Variants in EHD3 observed in about 807,000 individuals in gnomAD.
The protein encoded by EHD3 is EH domain containing 3, also known as EH domain-containing protein 3.
Under a neutral mutation model 43.0 loss-of-function variants are expected in EHD3, and 17 were observed. The ratio of observed to expected loss-of-function variants is 0.40; its 90% CI spans 0.27 to 0.59. The LOEUF (loss-of-function observed/expected upper bound fraction) is 0.59, where lower values mean the gene tolerates loss of function less well. Ranked by LOEUF, EHD3 falls within the 20% of genes least tolerant of loss-of-function variation. The pLI is 0.49. For missense variants in EHD3, 594 were observed against 705.6 expected (o/e 0.84, Z 1.79); for synonymous variants, 313 against 289.5 (o/e 1.08, Z -0.82).
Position 31,268,320 on chromosome 2 carries a change from A to G in EHD3, c.*1616A>G, listed in dbSNP as rs1195486480. On this transcript the variant is annotated 3_prime_UTR_variant, in exon 6 of 6. Transcript: ENST00000322054. ...AGACTATATAGAGAATATTCTATGC[A>G]TCTATGACGTGCTTACTACTGCAGT... The G allele has an allele frequency of 6.5e-6, 1 of 152,694 alleles. No individual in the cohort carries two copies. Among genetic ancestry groups the G allele is most frequent in the East Asian group, 1.9e-4 (1 of 5,196 alleles). The allele number at this position is 152,694 out of a possible 1,614,324, so 9.5% of individuals were successfully genotyped here. A position where few individuals can be genotyped will look rare whatever the true frequency, so the allele number is the denominator to read the frequency against.
intron 5 of EHD3, among the ~76,000 whole-genome samples, chr2:31,262,351 C>T (rs1683872453): frequency 6.6e-6 from 1 of 152,196 alleles, no homozygotes; most frequent in South Asian, 2.1e-4. Context: ...GAGCCAGGAG[C>T]TGGGCCCAAA....
rs778315422 is a variant in EHD3, at chr2:31,260,471, C to A, written c.503-39C>A. On this transcript the variant is annotated intron_variant, in intron 3 of 5. Coordinates refer to ENST00000322054, the MANE Select transcript of EHD3 (RefSeq NM_014600.3). This position sits in a 1 kb window ranked among gnomAD's most constrained non-coding sequence, Gnocchi z 4.6. The stretch of plus-strand genomic sequence containing the variant: ...GCTTCTCCAAACCCCTACCCTATAC[C>A]CCAAAGGCCCCAGCCCCTGATTGTC... The A allele has an allele frequency of 6.4e-7, 1 of 1,558,390 alleles. No homozygotes were observed. Among genetic ancestry groups the A allele is most frequent in the Admixed American group, 1.8e-5 (1 of 55,840 alleles).
At chr2:31,250,542 C>T (rs1031448820) in intron 3 of EHD3, among the ~76,000 whole-genome samples, 2 of 152,172 alleles carry the variant, frequency 1.3e-5, no homozygotes, top group Admixed American at 6.5e-5. Flanking sequence ...TTGGGGATTA[C>T]AGGCGGGAAC....
In EHD3 at chr2:31,266,908, TAGA is replaced by T. The variant is rs2148725802; in HGVS notation, c.*207_*209del. 6.2e-6 allele frequency: 4 copies of T among 644,746 alleles called. No individual in the cohort carries two copies. The highest frequency in any genetic ancestry group is 2.2e-5 in the South Asian group (1 of 44,892). 39.9% of individuals were successfully genotyped at this position (644,746 alleles called of 1,614,324 possible). On this transcript the variant is annotated 3_prime_UTR_variant, in exon 6 of 6. Coordinates refer to ENST00000322054, the MANE Select transcript of EHD3 (RefSeq NM_014600.3). The surrounding 1 kb of genome is among the most constrained non-coding windows in gnomAD (Gnocchi z 5.1). The stretch of plus-strand genomic sequence containing the variant: ...GGGCACACCTCCAAGTTCTCGGGAT[TAGA>T]AGGACAAGAGCACTCCCAGGCCCCA...
chr2:31,262,357 C>A (rs1683872509), intron 5 of EHD3, among the ~76,000 whole-genome samples: 1 of 152,132 alleles, frequency 6.6e-6, no homozygotes, highest in African/African-American at 2.4e-5. Flanking sequence ...GGAGCTGGGC[C>A]CAAAGGTCCA....
intron 3 of EHD3, 28 bp downstream of exon 3, chr2:31,249,496 C>T (rs2148719002): frequency 1.9e-6 from 3 of 1,603,772 alleles, no homozygotes; most frequent in Non-Finnish European, 2.6e-6. Flanking sequence ...GGGGTGTTGG[C>T]TGTGGGCTCC....
chr2:31,256,126 T>G (rs1158037280), intron 3 of EHD3, among the ~76,000 whole-genome samples: 4 of 152,062 alleles, frequency 2.6e-5, no homozygotes, highest in African/African-American at 9.7e-5. Context: ...GGACACACAG[T>G]AAGTTAGTGG....
intron 3 of EHD3, among the ~76,000 whole-genome samples, chr2:31,257,629 C>A (rs597644): frequency 0.76 from 115,573 of 152,082 alleles, 44,587 homozygotes; most frequent in East Asian, 0.94. Context: ...GTGAGGGTGA[C>A]ATGAGATAAT....
chr2:31,261,840 AGGTG>A, intron 5 of EHD3, 127 bp downstream of exon 5: 10 of 1,054,542 alleles, frequency 9.5e-6, no homozygotes, highest in South Asian at 4.9e-5. Context: ...GCAGGCAAGG[AGGTG>A]GCCCTGGATC....
intron 3 of EHD3, among the ~76,000 whole-genome samples, chr2:31,258,821 G>A (rs973512798): frequency 6.6e-6 from 1 of 152,194 alleles, no homozygotes; most frequent in African/African-American, 2.4e-5. Context: ...GAATCTCCTG[G>A]GAGCTTGTTA....
chr2:31,258,091 T>C (rs1271156581), intron 3 of EHD3, among the ~76,000 whole-genome samples: 1 of 152,174 alleles, frequency 6.6e-6, no homozygotes, highest in Non-Finnish European at 1.5e-5. Context: ...TGTATATTCA[T>C]TGAGCAGCTG....
At position 31,255,259 on chromosome 2, in the gene EHD3, A is replaced by G. The variant is rs187269847; in HGVS notation, c.503-5251A>G. Among the ~76,000 whole-genome samples the G allele has an allele frequency of 7.9e-4, 121 of 152,228 alleles. 2 individuals carry two copies. Among genetic ancestry groups the G allele is most frequent in the Admixed American group, 6.2e-3 (95 of 15,290 alleles). On this transcript the variant is annotated intron_variant, in intron 3 of 5. Coordinates refer to ENST00000322054, the MANE Select transcript of EHD3 (RefSeq NM_014600.3). Reference sequence around the variant, plus strand: ...CCCCCGACTCACTAGTCCATATTTCATGAACACTTGGGCTGCCGCAGGTGC... The same window carrying G: ...CCCCCGACTCACTAGTCCATATTTCGTGAACACTTGGGCTGCCGCAGGTGC...
intron 3 of EHD3, among the ~76,000 whole-genome samples, chr2:31,256,148 C>T (rs947096282): frequency 2.6e-5 from 4 of 152,164 alleles, no homozygotes; most frequent in Admixed American, 6.5e-5. Context: ...TAAGCGGAAA[C>T]GAGAGGTGGA....
chr2:31,247,373 A>T (rs1683548295), intron 2 of EHD3, among the ~76,000 whole-genome samples: 1 of 152,156 alleles, frequency 6.6e-6, no homozygotes, highest in South Asian at 2.1e-4. Context: ...AATTATAAAG[A>T]AAATATATAG....
At chr2:31,249,259 T>C in intron 2 of EHD3, 112 bp from the exon 3 acceptor site, 1 of 952,642 alleles carries the variant, frequency 1.0e-6, no homozygotes, top group Non-Finnish European at 1.6e-6. Flanking sequence ...AACTAAACCC[T>C]TCAGGATGCA....
At chr2:31,246,077 C>CAG (rs1369734976) in intron 2 of EHD3, among the ~76,000 whole-genome samples, 1 of 151,884 alleles carries the variant, frequency 6.6e-6, no homozygotes, top group Non-Finnish European at 1.5e-5. Flanking sequence ...CTTGGCCTGG[C>CAG]AGAGAGAGAG....
intron 3 of EHD3, among the ~76,000 whole-genome samples, chr2:31,253,338 G>T (rs1683676185): frequency 6.6e-6 from 1 of 151,664 alleles, no homozygotes; most frequent in African/African-American, 2.4e-5. Context: ...GGCTCCAAGA[G>T]CTCTGGGTTT....
chr2:31,262,012 C>G (rs993828253), intron 5 of EHD3, among the ~76,000 whole-genome samples: 4 of 152,216 alleles, frequency 2.6e-5, no homozygotes, highest in Non-Finnish European at 5.9e-5. Context: ...CCACCACAGG[C>G]TTGACGTCCC....
intron 2 of EHD3, among the ~76,000 whole-genome samples, chr2:31,245,738 T>G (rs1313613498): frequency 6.4e-5 from 9 of 139,956 alleles, no homozygotes; most frequent in Middle Eastern, 3.4e-3. Flanking sequence ...ATTTTGTGTT[T>G]TTTTTTTTTT....
Sources: allele counts gnomAD v4.1 joint callset (sites outside exome capture counted in the v4.1 genomes callset), GRCh38; gene constraint gnomAD v4.1.1; non-coding constraint Gnocchi (gnomAD v3.1); transcripts MANE v1.5; gene names NCBI Gene and HGNC (gene_info 2026-07-23, HGNC 2026-07-21).